The following CDHR4 variants were observed in gnomAD, a reference collection of about 807,000 sequenced individuals.
The protein encoded by CDHR4 is cadherin related family member 4.
CDHR4 carries 89 observed loss-of-function variants against 88.4 expected under a neutral mutation model. The observed-to-expected ratio is 1.01, with a 90% CI of 0.85 to 1.20. CDHR4 has a LOEUF of 1.20. Among genes scored for constraint, CDHR4 ranks in the 50% most tolerant of loss-of-function variants. The pLI is 0.00. For missense variants in CDHR4, 914 were observed against 1,007.2 expected (o/e 0.91, Z 1.25); for synonymous variants, 368 against 399.2 (o/e 0.92, Z 0.93).
intron 18 of CDHR4, 22 bp downstream of exon 18, chr3:49,791,419 G>C: frequency 6.5e-7 from 1 of 1,538,806 alleles, no homozygotes; most frequent in Non-Finnish European, 8.7e-7. Context: ...GCAGAGAATA[G>C]CTTAGGAAGA....
chr3:49,799,539 G>T, intron 1 of CDHR4, 102 bp from the exon 2 acceptor site: 1 of 1,287,196 alleles, frequency 7.8e-7, no homozygotes, highest in Non-Finnish European at 1.1e-6. Context: ...CCATGCCATG[G>T]GGCCAAGCAG....
rs1349345968 is a variant in CDHR4, at chr3:49,792,840, AG to A, written c.1995+13del. 1.4e-5 allele frequency: 21 copies of A among 1,522,578 alleles called. No homozygotes were observed. Among genetic ancestry groups the A allele is most frequent in the Non-Finnish European group, 1.9e-5 (21 of 1,129,220 alleles). The allele number at this position is 1,522,578 out of a possible 1,614,324, so 94.3% of individuals were successfully genotyped here. On this transcript the variant is annotated intron_variant, in intron 14 of 18. Transcript: ENST00000412678. The stretch of plus-strand genomic sequence containing the variant: ...CCCTTCCCACCCTGCTGAGGGCCCA[AG>A]GAGCCTCCTCACTGTGGTTCTGTGG...
chr3:49,797,668 G>A (rs2081291928), intron 4 of CDHR4, among the ~76,000 whole-genome samples: 1 of 151,982 alleles, frequency 6.6e-6, no homozygotes, highest in Admixed American at 6.6e-5. Flanking sequence ...TTGTAGTAGA[G>A]ATAGGGTTTC....
chr3:49,793,158 T>C lies in CDHR4; in HGVS notation c.1774+3A>G, dbSNP rs565849292. ...ACAACCTGGTGGTGCCCATGTCCCC[T>C]ACCTCCCACGATGCTATAGGAGTAG... is the stretch of plus-strand genomic sequence containing the variant. On this transcript the variant is annotated splice_donor_region_variant and intron_variant, in intron 13 of 18. Transcript: ENST00000412678. 2.6e-6 allele frequency: 4 copies of C among 1,551,540 alleles called. No individual in the cohort carries two copies. In the South Asian group the frequency reaches 4.8e-5, roughly 18 times the overall value.
chr3:49,799,611 G>A (rs1026735353), intron 1 of CDHR4, among the ~76,000 whole-genome samples, 153 bp downstream of exon 1: 1 of 152,228 alleles, frequency 6.6e-6, no homozygotes, highest in Admixed American at 6.5e-5. Flanking sequence ...GAACTTGACT[G>A]AGGAAGTGGC....
Position 49,799,358 on chromosome 3 carries a change from G to A in CDHR4, c.129C>T (p.Asn43=). ...TGGGTGTGGGCGTGTAGGAGGAGCAGTTGAAGGATAAAAACTGAAGGACTG... is the reference window on the plus strand; with the variant it reads ...TGGGTGTGGGCGTGTAGGAGGAGCAATTGAAGGATAAAAACTGAAGGACTG... The part of the protein sequence containing the change: ...PGTVLQFLSF[N]CSSYTPTPTL... Residue 43 remains asparagine (N), a synonymous_variant, in exon 2 of 19, where the codon AAC becomes AAT. Transcript: ENST00000412678. 1 of 1,613,216 alleles carries A rather than the reference G, an allele frequency of 6.2e-7. No individual in the cohort carries two copies. Among genetic ancestry groups the A allele is most frequent in the Non-Finnish European group, 8.5e-7 (1 of 1,179,590 alleles).
At chr3:49,792,073 T>G in intron 15 of CDHR4, 114 bp from the exon 16 acceptor site, 1 of 1,042,562 alleles carries the variant, frequency 9.6e-7, no homozygotes, top group Non-Finnish European at 1.4e-6. Context: ...CTGTATGCAG[T>G]GCCCACATTG....
In CDHR4 at chr3:49,792,552, T is replaced by C; in HGVS notation, c.2054A>G (p.Gln685Arg). 6.4e-7 allele frequency: 1 copy of C among 1,551,696 alleles called. No individual in the cohort carries two copies. Among genetic ancestry groups the C allele is most frequent in the Non-Finnish European group, 8.7e-7 (1 of 1,146,980 alleles). The change falls in exon 15 of 19, where the codon CAG becomes CGG. Residue 685 changes from glutamine to arginine, a missense_variant. By Grantham distance (43) the Gln-to-Arg change is conservative. Coordinates refer to ENST00000412678, the MANE Select transcript of CDHR4 (RefSeq NM_001007540.4). Reference sequence around the variant, plus strand: ...TGTCAACACCACCACAAACCAGGGCTGTGGCTGCCAGAAAGCCTCTGTGTC... The same window carrying C: ...TGTCAACACCACCACAAACCAGGGCCGTGGCTGCCAGAAAGCCTCTGTGTC... ...VTDTEAFWQP[Q>R]PWFVVVLTAT...
chr3:49,793,928 T>C lies in CDHR4; in HGVS notation c.1358A>G (p.Gln453Arg). 1 of 1,551,786 alleles carries C rather than the reference T, an allele frequency of 6.4e-7. No individual in the cohort carries two copies. Among genetic ancestry groups the C allele is most frequent in the Middle Eastern group, 1.7e-4 (1 of 5,992 alleles). Residue 453 changes from glutamine to arginine, a missense_variant, in exon 11 of 19, where the codon CAG becomes CGG. Gln to Arg is a conservative substitution (Grantham distance 43). Transcript: ENST00000412678. ...PACAPRTFRVQEDAAPHTLLG... is the reference protein window; with the variant it reads ...PACAPRTFRVREDAAPHTLLG... ...TAGAGTGTGGGGCGCCGCATCCTCC[T>C]GAACCCGGAACGTGCGAGGGGCACA...
At chr3:49,797,678 C>T (rs548663012) in intron 4 of CDHR4, among the ~76,000 whole-genome samples, 11 of 151,872 alleles carry the variant, frequency 7.2e-5, no homozygotes, top group Admixed American at 2.0e-4. Flanking sequence ...GATAGGGTTT[C>T]GCCATGTTGG....
At chr3:49,794,259 G>A (rs1184513296) in intron 10 of CDHR4, among the ~76,000 whole-genome samples, 3 of 152,170 alleles carry the variant, frequency 2.0e-5, no homozygotes, top group Non-Finnish European at 2.9e-5. Flanking sequence ...TTAGCCGGGC[G>A]TGGTGGCCGG....
chr3:49,796,812 G>C (rs927495562), intron 5 of CDHR4, 110 bp downstream of exon 5: 31 of 791,440 alleles, frequency 3.9e-5, no homozygotes, highest in Non-Finnish European at 6.1e-5. Flanking sequence ...CCAGGTCTGA[G>C]AGAGTCAGTA....
Position 49,795,077 on chromosome 3 carries a change from G to C in CDHR4, c.1055C>G (p.Pro352Arg). The change falls in exon 9 of 19, where the codon CCC becomes CGC. Residue 352 changes from proline (P) to arginine (R), a missense_variant. Coordinates refer to ENST00000412678, the MANE Select transcript of CDHR4 (RefSeq NM_001007540.4). The surrounding 1 kb of genome is among the most constrained non-coding windows in gnomAD (Gnocchi z 5.4). ...LLVSQIPETA[P>R]VGTVLNTLTC... is the part of the protein sequence containing the mutation. ...GAGAGTATTCAGCACGGTGCCCACG[G>C]GTGCAGTCTCCGGGATTTGGGACCT... 2 of 1,551,700 alleles carry C rather than the reference G, an allele frequency of 1.3e-6. No homozygotes were observed. Among genetic ancestry groups the C allele is most frequent in the Non-Finnish European group, 1.7e-6 (2 of 1,146,996 alleles).
rs2081202037 is a variant in CDHR4 at position 49,792,871 on chromosome 3, T to C, written c.1978A>G (p.Ser660Gly). 6 of 1,541,414 alleles carry C rather than the reference T, an allele frequency of 3.9e-6. No homozygotes were observed. Among genetic ancestry groups the C allele is most frequent in the Non-Finnish European group, 5.3e-6 (6 of 1,139,352 alleles). ...CTCCTCACTGTGGTTCTGTGGGTGC[T>C]GGTGGCCACTGTGCTGGCCCTCCGG... Reference protein sequence around the residue: ...VPRRASTVATSTHRTTVPSTM... With the variant: ...VPRRASTVATGTHRTTVPSTM... Residue 660 changes from serine to glycine, a missense_variant, in exon 14 of 19, where the codon AGC (serine) becomes GGC (glycine). Physicochemically the swap from Ser to Gly is moderately conservative, Grantham distance 56. Coordinates refer to ENST00000412678, the MANE Select transcript of CDHR4 (RefSeq NM_001007540.4).
Position 49,793,586 on chromosome 3 carries a change from A to G in CDHR4, c.1620T>C (p.Val540=). 6.4e-7 allele frequency: 1 copy of G among 1,551,544 alleles called. No individual in the cohort carries two copies. The highest frequency in any genetic ancestry group is 8.7e-7 in the Non-Finnish European group (1 of 1,146,830). ...CAAAGCCTTAGGACGCAATTACCTCAACCTCGATGGTAATGGTACAGGAGC... is the reference window on the plus strand; with the variant it reads ...CAAAGCCTTAGGACGCAATTACCTCGACCTCGATGGTAATGGTACAGGAGC... The part of the protein sequence containing the change: ...LSGSCTITIE[V]EDVNDHAPEC... Residue 540 remains valine (V), a synonymous_variant, in exon 12 of 19, where the codon GTT becomes GTC. Transcript: ENST00000412678.
chr3:49,790,981 C>A, intron 18 of CDHR4, 94 bp from the exon 19 acceptor site: 1 of 972,876 alleles, frequency 1.0e-6, no homozygotes, highest in South Asian at 1.6e-5. Context: ...GAGATTATTC[C>A]TCCAGGACCC....
In CDHR4 at chr3:49,793,796, G is replaced by A. The variant is rs1226599525; in HGVS notation, c.1483+7C>T. On this transcript the variant is annotated splice_region_variant and intron_variant, in intron 11 of 18. Transcript: ENST00000412678. ...CTGTTTCCATCCCAGCCCTGGGGTG[G>A]ATGTACCGCTGAGACGGTCCACAGC... 1 of 1,551,756 alleles carries A rather than the reference G, an allele frequency of 6.4e-7. No individual in the cohort carries two copies. Among genetic ancestry groups the A allele is most frequent in the East Asian group, 2.4e-5 (1 of 40,920 alleles).
chr3:49,793,770 CCT>C (rs1413382666), intron 11 of CDHR4, 31 bp downstream of exon 11: 1 of 1,551,470 alleles, frequency 6.4e-7, no homozygotes, highest in African/African-American at 1.4e-5. Flanking sequence ...ACTCTGGCTC[CCT>C]GTTTCCATCC....
At chr3:49,802,813 CTT>C (rs1196820215), upstream of CDHR4, among the ~76,000 whole-genome samples, 1 of 152,256 alleles carries the variant, frequency 6.6e-6, no homozygotes, top group African/African-American at 2.4e-5. Context: ...CCCGCCCTCT[CTT>C]GAGTCCTCAG....
Sources: gnomAD v4.1 joint callset for allele counts (sites outside exome capture counted in the v4.1 genomes callset) on GRCh38, gnomAD v4.1.1 for gene constraint, Gnocchi (gnomAD v3.1) non-coding constraint, MANE v1.5 for transcripts, NCBI Gene and HGNC (gene_info 2026-07-23, HGNC 2026-07-21) for gene names.